The following DAB1 variants were observed in gnomAD, a reference collection of about 807,000 sequenced individuals.
DAB1 encodes the protein DAB adaptor protein 1, also known as disabled homolog 1.
A neutral mutation model predicts 64.6 loss-of-function variants in DAB1; 15 were observed. That is an observed-to-expected ratio of 0.23 (90% CI 0.16 to 0.36). The LOEUF (loss-of-function observed/expected upper bound fraction) is 0.36, where lower values mean the gene tolerates loss of function less well. DAB1 is among the 10% of genes least tolerant of loss of function. The probability of loss-of-function intolerance (pLI) is 1.00; values close to 1 mark genes in which losing one functional copy is unlikely to be tolerated. For missense variants in DAB1, 596 were observed against 706.7 expected (o/e 0.84, Z 1.78); for synonymous variants, 235 against 251.9 (o/e 0.93, Z 0.64).
chr1:58,383,616 ACACT>A (rs10588681), intron 3 of DAB1, among the ~76,000 whole-genome samples: 111,049 of 151,760 alleles, frequency 0.73, 41,876 homozygotes, highest in African/African-American at 0.93. Context: ...CTGACACATG[ACACT>A]CAATAATATA....
intron 6 of DAB1, among the ~76,000 whole-genome samples, chr1:57,735,609 G>GTTTTTTT (rs59456674): frequency 5.7e-4 from 54 of 95,166 alleles, no homozygotes; most frequent in East Asian, 9.8e-4. Flanking sequence ...CTGTTTGCTT[G>GTTTTTTT]TTTTTTTTTT....
chr1:57,033,279 C>A, intron 9 of DAB1: 1 of 1,184,940 alleles, frequency 8.4e-7, no homozygotes, highest in Non-Finnish European at 1.3e-6. Context: ...CCTACTAGAG[C>A]AGAGCAGGGC....
At chr1:58,123,634 A>G (rs1040216648) in intron 5 of DAB1, among the ~76,000 whole-genome samples, 1 of 152,126 alleles carries the variant, frequency 6.6e-6, no homozygotes, top group African/African-American at 2.4e-5. Flanking sequence ...GTGCTAAGTA[A>G]AAAGGCCTGC....
At chr1:57,125,557 G>A (rs545810359) in intron 4 of DAB1, among the ~76,000 whole-genome samples, 1 of 152,146 alleles carries the variant, frequency 6.6e-6, no homozygotes, top group Non-Finnish European at 1.5e-5. Flanking sequence ...ATGAAAGTAG[G>A]AGAAAAGGAT....
intron 3 of DAB1, among the ~76,000 whole-genome samples, chr1:58,431,391 C>T (rs1425512829): frequency 2.0e-5 from 3 of 151,948 alleles, no homozygotes; most frequent in African/African-American, 4.8e-5. Context: ...AACCCCATCT[C>T]TATGAAAAAT....
At chr1:57,181,689 A>C (rs1344572039) in intron 2 of DAB1, among the ~76,000 whole-genome samples, 1 of 152,152 alleles carries the variant, frequency 6.6e-6, no homozygotes, top group South Asian at 2.1e-4. Context: ...TGCTGCCTAA[A>C]ATTAAGTACA....
chr1:57,087,164 G>A (rs943272152), intron 4 of DAB1, among the ~76,000 whole-genome samples: 16 of 152,164 alleles, frequency 1.1e-4, no homozygotes, highest in Non-Finnish European at 8.8e-5. Flanking sequence ...TGGGTTGCAT[G>A]CCAGAAAGGC....
intron 2 of DAB1, among the ~76,000 whole-genome samples, chr1:58,518,368 G>A (rs970929805): frequency 1.4e-5 from 2 of 147,480 alleles, no homozygotes; most frequent in African/African-American, 5.1e-5. Flanking sequence ...GGGAAGAGAA[G>A]AGAAGGGAAG....
At chr1:58,301,708 G>A (rs185032013) in intron 4 of DAB1, among the ~76,000 whole-genome samples, 74 of 152,126 alleles carry the variant, frequency 4.9e-4, no homozygotes, top group African/African-American at 1.5e-3. Context: ...ACTGAGGCCC[G>A]GAGGGATTAC....
chr1:58,126,143 C>T (rs980216492), intron 5 of DAB1, among the ~76,000 whole-genome samples: 1 of 152,194 alleles, frequency 6.6e-6, no homozygotes, highest in Non-Finnish European at 1.5e-5. Flanking sequence ...CCTTTTCCCA[C>T]AGAATGTGCT....
rs1301428432 is a variant in DAB1, at chr1:58,518,262, AGAGGAGAGAG to A, written n.107+8989_107+8998del. On this transcript the variant is annotated intron_variant and non_coding_transcript_variant, in intron 2 of 20. Coordinates refer to the DAB1 transcript ENST00000485760. ...GGGGAGAGGGGAGAGGGGAGAGGGG[AGAGGAGAGAG>A]GAGAGGAGAAGAGAAGAGAAGAGAA... Among the ~76,000 whole-genome samples the A allele has an allele frequency of 1.2e-4, 2 of 16,262 alleles. 1 individual carries two copies. The highest frequency in any genetic ancestry group is 2.5e-4 in the Non-Finnish European group (2 of 7,938). The allele number at this position is 16,262 out of a possible 152,430, so 10.7% of individuals were successfully genotyped here.
chr1:57,533,262 T>G (rs1056205737), intron 7 of DAB1, among the ~76,000 whole-genome samples: 2 of 152,094 alleles, frequency 1.3e-5, no homozygotes, highest in Admixed American at 6.6e-5. Flanking sequence ...GAAATCAGAT[T>G]TCTTTCCTTA....
intron 7 of DAB1, among the ~76,000 whole-genome samples, chr1:57,491,969 G>GCTAAAATGTGC (rs1644171127): frequency 6.6e-6 from 1 of 152,160 alleles, no homozygotes; most frequent in African/African-American, 2.4e-5. Flanking sequence ...AGGCTCAGAG[G>GCTAAAATGTGC]CTAAAATGTG....
At chr1:57,831,537 C>CTTTTT (rs5774372) in intron 1 of DAB1, among the ~76,000 whole-genome samples, 14 of 112,338 alleles carry the variant, frequency 1.2e-4, no homozygotes, top group Non-Finnish European at 2.0e-4. Flanking sequence ...ATTTTCTTCT[C>CTTTTT]TTTTTTTTTT....
At chr1:57,064,065 G>A (rs1365611120) in intron 8 of DAB1, among the ~76,000 whole-genome samples, 1 of 152,192 alleles carries the variant, frequency 6.6e-6, no homozygotes, top group Non-Finnish European at 1.5e-5. Flanking sequence ...TGAGACATAT[G>A]GTAAACGTAT....
intron 2 of DAB1, among the ~76,000 whole-genome samples, chr1:57,235,761 T>C (rs1284895824): frequency 6.6e-6 from 1 of 151,354 alleles, no homozygotes; most frequent in Non-Finnish European, 1.5e-5. Flanking sequence ...ATCTGTTGCA[T>C]CTACCACAGT....
chr1:57,904,174 C>T (rs1196850194), intron 5 of DAB1, among the ~76,000 whole-genome samples: 1 of 152,212 alleles, frequency 6.6e-6, no homozygotes, highest in South Asian at 2.1e-4. Flanking sequence ...GCATTCCTAA[C>T]AAGTTCCTAG....
intron 2 of DAB1, among the ~76,000 whole-genome samples, chr1:57,192,841 A>C (rs1664259446): frequency 6.6e-6 from 1 of 152,156 alleles, no homozygotes; most frequent in Non-Finnish European, 1.5e-5. Flanking sequence ...AAAGTGTGCA[A>C]TTCAGTGTTT....
intron 5 of DAB1, among the ~76,000 whole-genome samples, chr1:57,891,406 G>A (rs1644311678): frequency 6.6e-6 from 1 of 152,192 alleles, no homozygotes; most frequent in African/African-American, 2.4e-5. Flanking sequence ...TCACACTGTT[G>A]GTGGGAGTGT....
Sources: gnomAD v4.1 joint callset for allele counts (sites outside exome capture counted in the v4.1 genomes callset) on GRCh38, gnomAD v4.1.1 for gene constraint, MANE v1.5 for transcripts, NCBI Gene and HGNC (gene_info 2026-07-23, HGNC 2026-07-21) for gene names.